Variants in GRIK1 observed in about 807,000 individuals in gnomAD.
GRIK1 encodes the protein glutamate receptor ionotropic, kainate 1.
A neutral mutation model predicts 105.7 loss-of-function variants in GRIK1; 69 were observed. The observed-to-expected ratio is 0.65, with a 90% CI of 0.54 to 0.80. GRIK1 has a LOEUF of 0.80. GRIK1 is among the 30% of genes least tolerant of loss of function. GRIK1 has a pLI of 0.00. For missense variants in GRIK1, 1,109 were observed against 1,167.3 expected (o/e 0.95, Z 0.73); for synonymous variants, 438 against 431.3 (o/e 1.02, Z -0.19).
intron 3 of GRIK1, among the ~76,000 whole-genome samples, chr21:29,689,516 G>A (rs2063545264): frequency 6.6e-6 from 1 of 152,072 alleles, no homozygotes; most frequent in Non-Finnish European, 1.5e-5. Flanking sequence ...CCATATATTT[G>A]ATGATAAAAG....
In GRIK1 at chr21:29,899,617, T is replaced by C. The variant is rs116760340; in HGVS notation, c.118+39766A>G. ...ACCACTCCCAGAGCTGATAATCTAG[T>C]TCTATTTTTAATCTCTTAGGACAAA... On this transcript the variant is annotated intron_variant, in intron 1 of 17. Coordinates refer to ENST00000327783, the MANE Select transcript of GRIK1 (RefSeq NM_001330994.2). Among the ~76,000 whole-genome samples, 1,097 of 152,194 alleles carry C rather than the reference T, an allele frequency of 7.2e-3. 11 individuals are homozygous for C. The highest frequency in any genetic ancestry group is 0.025 in the African/African-American group (1,055 of 41,522).
intron 1 of GRIK1, among the ~76,000 whole-genome samples, chr21:29,711,202 ATGAT>A (rs1407709439): frequency 9.9e-5 from 15 of 152,154 alleles, no homozygotes; most frequent in Non-Finnish European, 1.5e-5. Context: ...ATTTTGGTCA[ATGAT>A]AGACTGTATA....
intron 16 of GRIK1, among the ~76,000 whole-genome samples, chr21:29,554,175 T>A (rs1169681819): frequency 6.6e-6 from 1 of 152,178 alleles, no homozygotes; most frequent in Non-Finnish European, 1.5e-5. Flanking sequence ...GTTCAAAAAT[T>A]ATTTAGAATT....
rs148815094 is a variant in GRIK1 at position 29,585,757 on chromosome 21, C to T, written c.1793+1609G>A. Among the ~76,000 whole-genome samples, 276 of 152,118 alleles carry T rather than the reference C, an allele frequency of 1.8e-3. 1 individual carries two copies. The highest frequency in any genetic ancestry group is 6.1e-3 in the African/African-American group (254 of 41,482). ...ATAGTCATTTATTAAATGACCATTC[C>T]GAGGCAATATTAACTTCACTGAGGA... On this transcript the variant is annotated intron_variant, in intron 12 of 17. Coordinates refer to ENST00000327783, the MANE Select transcript of GRIK1 (RefSeq NM_001330994.2).
chr21:29,577,520 T>G (rs1275805161), intron 13 of GRIK1, among the ~76,000 whole-genome samples: 1 of 152,218 alleles, frequency 6.6e-6, no homozygotes, highest in Non-Finnish European at 1.5e-5. Context: ...TCTAAATGCA[T>G]CTTATAGTGT....
intron 1 of GRIK1, among the ~76,000 whole-genome samples, chr21:29,908,562 T>C (rs2146286325): frequency 6.6e-6 from 1 of 152,324 alleles, no homozygotes; most frequent in South Asian, 2.1e-4. Flanking sequence ...TTCTTCAAAA[T>C]AGGCCTCCAA....
At chr21:29,885,172 G>A (rs887400645) in intron 1 of GRIK1, among the ~76,000 whole-genome samples, 1 of 151,944 alleles carries the variant, frequency 6.6e-6, no homozygotes, top group Non-Finnish European at 1.5e-5. Context: ...TCAAATCAGG[G>A]TATTTATTGT....
intron 1 of GRIK1, among the ~76,000 whole-genome samples, chr21:29,705,588 C>T (rs2063889786): frequency 6.6e-6 from 1 of 152,132 alleles, no homozygotes; most frequent in South Asian, 2.1e-4. Flanking sequence ...TGTTCTTGTG[C>T]TAATTTTAAT....
At position 29,719,939 on chromosome 21, in the gene GRIK1, G is replaced by T. The variant is rs576684133; in HGVS notation, c.119-25876C>A. Among the ~76,000 whole-genome samples, 3 of 152,178 alleles carry T rather than the reference G, an allele frequency of 2.0e-5. No individual in the cohort carries two copies. The East Asian group carries it at 5.8e-4, about 29-fold the overall frequency. ...ACTATAGCATATTTCAGAAATACAG[G>T]TTAAAAGCTAATCACAATAAAGTCA... is the stretch of plus-strand genomic sequence containing the variant. On this transcript the variant is annotated intron_variant, in intron 1 of 17. Coordinates refer to ENST00000327783, the MANE Select transcript of GRIK1 (RefSeq NM_001330994.2).
chr21:29,816,338 A>C (rs1204922563), intron 1 of GRIK1, among the ~76,000 whole-genome samples: 2 of 152,136 alleles, frequency 1.3e-5, no homozygotes, highest in Non-Finnish European at 2.9e-5. Flanking sequence ...ATTTTTATAC[A>C]CTGTTGGTGG....
intron 1 of GRIK1, among the ~76,000 whole-genome samples, chr21:29,812,666 C>A (rs968114748): frequency 1.3e-5 from 2 of 152,116 alleles, no homozygotes; most frequent in South Asian, 4.1e-4. Context: ...CATCAAGCAT[C>A]CAGCACTAGC....
intron 16 of GRIK1, chr21:29,553,345 G>A: frequency 8.5e-7 from 1 of 1,177,020 alleles, no homozygotes. Flanking sequence ...ATTTCTAGAA[G>A]TCTTTATACC....
At chr21:29,685,124 C>T (rs555959907) in intron 3 of GRIK1, among the ~76,000 whole-genome samples, 1 of 152,058 alleles carries the variant, frequency 6.6e-6, no homozygotes, top group Non-Finnish European at 1.5e-5. Context: ...TTGTTTATGT[C>T]CTTACACTTT....
At chr21:29,581,010 TC>T (rs1442393434) in intron 13 of GRIK1, among the ~76,000 whole-genome samples, 1 of 152,108 alleles carries the variant, frequency 6.6e-6, no homozygotes, top group African/African-American at 2.4e-5. Flanking sequence ...TAGGTGGAAG[TC>T]CTAGGTAAGG....
chr21:29,854,818 C>A (rs1261274970), intron 1 of GRIK1, among the ~76,000 whole-genome samples: 2 of 151,980 alleles, frequency 1.3e-5, no homozygotes, highest in African/African-American at 4.8e-5. Flanking sequence ...CTTCCTTGAT[C>A]AAAGTTAAAC....
At chr21:29,658,228 C>T (rs1370537209) in intron 4 of GRIK1, among the ~76,000 whole-genome samples, 3 of 152,070 alleles carry the variant, frequency 2.0e-5, no homozygotes, top group Non-Finnish European at 4.4e-5. Flanking sequence ...ATTGCTTCCA[C>T]TAATATGTTC....
At chr21:29,627,262 G>T (rs1005642932) in intron 7 of GRIK1, among the ~76,000 whole-genome samples, 3 of 152,140 alleles carry the variant, frequency 2.0e-5, no homozygotes, top group Non-Finnish European at 4.4e-5. Flanking sequence ...ATGGTGGAAA[G>T]TATTTTACTT....
chr21:29,652,564 A>G (rs1057215872), intron 5 of GRIK1, among the ~76,000 whole-genome samples: 8 of 152,218 alleles, frequency 5.3e-5, no homozygotes, highest in African/African-American at 1.9e-4. Context: ...GGTGTTTTCT[A>G]TTACAGATGA....
At chr21:29,864,194 A>G (rs1000165375) in intron 1 of GRIK1, among the ~76,000 whole-genome samples, 6 of 152,008 alleles carry the variant, frequency 3.9e-5, no homozygotes, top group African/African-American at 1.4e-4. Flanking sequence ...CTTGATTGAT[A>G]ACCAGGCTTA....
Sources: allele counts gnomAD v4.1 joint callset (sites outside exome capture counted in the v4.1 genomes callset), GRCh38; gene constraint gnomAD v4.1.1; transcripts MANE v1.5; gene names NCBI Gene and HGNC (gene_info 2026-07-23, HGNC 2026-07-21).